The following ZC3H6 variants were observed in gnomAD, a reference collection of about 807,000 sequenced individuals.
ZC3H6 encodes zinc finger CCCH domain-containing protein 6.
In ZC3H6, 40 loss-of-function variants were observed where a neutral mutation model predicts 107.7. The observed-to-expected ratio is 0.37, with a 90% CI of 0.29 to 0.48. The LOEUF (loss-of-function observed/expected upper bound fraction) is 0.48, where lower values mean the gene tolerates loss of function less well. Among genes scored for constraint, ZC3H6 ranks in the 20% least tolerant of loss-of-function variants. ZC3H6 has a pLI of 0.98. For synonymous variants in ZC3H6, 493 were observed against 487.9 expected, an observed-to-expected ratio of 1.01 and a Z score of -0.14; for missense variants, 1,267 against 1,410.4, an observed-to-expected ratio of 0.90 and a Z score of 1.63.
At chr2:112,293,007 A>G (rs1372551278) in intron 1 of ZC3H6, among the ~76,000 whole-genome samples, 3 of 152,192 alleles carry the variant, frequency 2.0e-5, no homozygotes, top group African/African-American at 4.8e-5. Flanking sequence ...AATGAGGCAA[A>G]TGTAAGTAAA....
At chr2:112,320,080 G>T (rs963577894) in intron 7 of ZC3H6, among the ~76,000 whole-genome samples, 1 of 152,018 alleles carries the variant, frequency 6.6e-6, no homozygotes, top group Non-Finnish European at 1.5e-5. Flanking sequence ...TTACAGGCAT[G>T]CACCACCACG....
At chr2:112,308,500 C>T (rs940178757) in intron 3 of ZC3H6, among the ~76,000 whole-genome samples, 1 of 149,882 alleles carries the variant, frequency 6.7e-6, no homozygotes, top group Non-Finnish European at 1.5e-5. Flanking sequence ...GATCTTGGCT[C>T]ACTGCAACTT....
At chr2:112,326,740 G>A (rs1676912483) in intron 11 of ZC3H6, among the ~76,000 whole-genome samples, 1 of 152,142 alleles carries the variant, frequency 6.6e-6, no homozygotes, top group African/African-American at 2.4e-5. Context: ...TGCCTCCCGA[G>A]TAGCTGGGAT....
At chr2:112,276,151 T>C in intron 1 of ZC3H6, 125 bp downstream of exon 1, 1 of 775,684 alleles carries the variant, frequency 1.3e-6, no homozygotes, top group South Asian at 2.0e-5. Context: ...GTCAGTTCCA[T>C]GACGCGCACT....
At chr2:112,284,689 T>G (rs935984885) in intron 1 of ZC3H6, among the ~76,000 whole-genome samples, 1 of 152,086 alleles carries the variant, frequency 6.6e-6, no homozygotes, top group African/African-American at 2.4e-5. Context: ...TCTAACGTCT[T>G]TATATGTGTC....
At chr2:112,319,133 G>A (rs1211650700) in intron 7 of ZC3H6, among the ~76,000 whole-genome samples, 2 of 152,142 alleles carry the variant, frequency 1.3e-5, no homozygotes, top group Non-Finnish European at 2.9e-5. Context: ...TGGAAAATTT[G>A]TATATTGACT....
At chr2:112,296,245 T>C (rs1015058770) in intron 1 of ZC3H6, among the ~76,000 whole-genome samples, 1 of 152,168 alleles carries the variant, frequency 6.6e-6, no homozygotes, top group African/African-American at 2.4e-5. Flanking sequence ...TTCTGTTATA[T>C]ATTGGTTTGT....
chr2:112,325,701 G>A (rs1185671083), intron 11 of ZC3H6, among the ~76,000 whole-genome samples: 1 of 151,976 alleles, frequency 6.6e-6, no homozygotes, highest in Admixed American at 6.6e-5. Context: ...AACAGGAAAA[G>A]GACAACTTTC....
intron 3 of ZC3H6, among the ~76,000 whole-genome samples, chr2:112,309,420 T>C (rs11904424): frequency 0.51 from 77,534 of 152,014 alleles, 21,973 homozygotes; most frequent in East Asian, 0.77. Flanking sequence ...AGACATTTTC[T>C]TTTTATAAAA....
chr2:112,327,115 C>T (rs1358577857), intron 11 of ZC3H6, among the ~76,000 whole-genome samples: 3 of 152,224 alleles, frequency 2.0e-5, no homozygotes, highest in East Asian at 1.9e-4. Context: ...TCATAGTGGT[C>T]GTACTAATTT....
At chr2:112,276,175 C>T in intron 1 of ZC3H6, 149 bp downstream of exon 1, 5 of 545,640 alleles carry the variant, frequency 9.2e-6, no homozygotes, top group East Asian at 3.9e-5. Context: ...ATGTAAACTG[C>T]TGGATCGCGG....
At chr2:112,277,116 G>A (rs1232102446) in intron 1 of ZC3H6, among the ~76,000 whole-genome samples, 1 of 152,034 alleles carries the variant, frequency 6.6e-6, no homozygotes, top group African/African-American at 2.4e-5. Flanking sequence ...TAAATACCTA[G>A]CAATCTTGAG....
intron 5 of ZC3H6, 122 bp downstream of exon 5, chr2:112,312,059 A>G: frequency 1.0e-6 from 1 of 993,210 alleles, no homozygotes; most frequent in Non-Finnish European, 1.4e-6. Context: ...ACCAGCTCAG[A>G]TAAAATGAGT....
intron 3 of ZC3H6, among the ~76,000 whole-genome samples, chr2:112,306,240 T>C (rs1382872567): frequency 1.3e-5 from 2 of 151,764 alleles, no homozygotes; most frequent in African/African-American, 4.8e-5. Context: ...TGGCGTGATC[T>C]TGGCTCACTG....
chr2:112,285,029 A>G (rs1686580966), intron 1 of ZC3H6, among the ~76,000 whole-genome samples: 1 of 152,198 alleles, frequency 6.6e-6, no homozygotes, highest in Non-Finnish European at 1.5e-5. Flanking sequence ...TGCAATTGAA[A>G]TTATGATATA....
rs1677039163 is a variant in ZC3H6, at chr2:112,331,845, T to C, written c.2927T>C (p.Leu976Pro). 2 of 1,613,756 alleles carry C rather than the reference T, an allele frequency of 1.2e-6. No individual in the cohort carries two copies. The highest frequency in any genetic ancestry group is 1.3e-5 in the African/African-American group (1 of 74,912). Residue 976 changes from leucine to proline, a missense_variant, in exon 12 of 12, where the codon CTG becomes CCG. By Grantham distance (98) the Leu-to-Pro change is moderately conservative. This residue lies in a region of ZC3H6 where 925 missense variants were observed against 1,025.7 expected (regional missense o/e 0.90). Transcript: ENST00000409871. ...QKNFDPRLHR[L>P]PNTESHQVVM... ...AATTTTGATCCTAGGCTTCACAGAC[T>C]GCCCAATACAGAGTCTCATCAAGTG...
rs557001330 is a variant in ZC3H6 at position 112,319,435 on chromosome 2, G to A, written c.976+2103G>A. Among the ~76,000 whole-genome samples, 5 of 152,172 alleles carry A rather than the reference G, an allele frequency of 3.3e-5. No individual in the cohort carries two copies. In the South Asian group the frequency reaches 1.0e-3, roughly 32 times the overall value. Reference sequence around the variant, plus strand: ...CCAAGGCGGGTGGATCACCTGAGGTGAGGAGTTCAAGACCAACCTGGCCAA... The same window carrying A: ...CCAAGGCGGGTGGATCACCTGAGGTAAGGAGTTCAAGACCAACCTGGCCAA... On this transcript the variant is annotated intron_variant, in intron 7 of 11. Coordinates refer to ENST00000409871, the MANE Select transcript of ZC3H6 (RefSeq NM_198581.3).
chr2:112,293,871 C>T (rs1048800435), intron 1 of ZC3H6, among the ~76,000 whole-genome samples: 4 of 152,148 alleles, frequency 2.6e-5, no homozygotes, highest in Admixed American at 2.0e-4. Flanking sequence ...GTCCCTCATC[C>T]GCAGGGTAAC....
In ZC3H6 at chr2:112,331,031, A is replaced by C; in HGVS notation, c.2113A>C (p.Ser705Arg). ...EDDTVNWYSS[S>R]EEEEGSSVKS... Reference sequence around the variant, plus strand: ...TGATACAGTTAACTGGTATTCCAGTAGTGAAGAGGAAGAAGGAAGCAGTGT... The same window carrying C: ...TGATACAGTTAACTGGTATTCCAGTCGTGAAGAGGAAGAAGGAAGCAGTGT... The change falls in exon 12 of 12, where the codon AGT becomes CGT. Residue 705 changes from serine to arginine, a missense_variant. Ser to Arg is a moderately radical substitution (Grantham distance 110). Coordinates refer to ENST00000409871, the MANE Select transcript of ZC3H6 (RefSeq NM_198581.3). The C allele has an allele frequency of 4.5e-6, 7 of 1,545,876 alleles. No homozygotes were observed. Among genetic ancestry groups the C allele is most frequent in the Non-Finnish European group, 6.1e-6 (7 of 1,147,906 alleles).
Sources: allele counts gnomAD v4.1 joint callset (sites outside exome capture counted in the v4.1 genomes callset), GRCh38; gene constraint gnomAD v4.1.1; regional missense constraint gnomAD v4.1.1; transcripts MANE v1.5; gene names NCBI Gene and HGNC (gene_info 2026-07-23, HGNC 2026-07-21).